Variants in PACS1 observed in about 807,000 individuals in gnomAD.
The protein encoded by PACS1 is PACS-1.
Under a neutral mutation model 115.0 loss-of-function variants are expected in PACS1, and 24 were observed. That is an observed-to-expected ratio of 0.21 (90% CI 0.15 to 0.29). The LOEUF (loss-of-function observed/expected upper bound fraction) is 0.29. Among genes scored for constraint, PACS1 ranks in the 10% least tolerant of loss-of-function variants. The pLI is 1.00. For missense variants in PACS1, 838 were observed against 1,251.2 expected, an observed-to-expected ratio of 0.67 and a Z score of 4.98; for synonymous variants, 453 against 504.5, an observed-to-expected ratio of 0.90 and a Z score of 1.37.
chr11:66,077,252 C>A (rs1857413341), intron 1 of PACS1, among the ~76,000 whole-genome samples: 1 of 152,202 alleles, frequency 6.6e-6, no homozygotes, highest in Non-Finnish European at 1.5e-5. Flanking sequence ...TAGAAAACTT[C>A]TAGAAAATAG....
chr11:66,158,195 C>T (rs1859403746), intron 1 of PACS1, among the ~76,000 whole-genome samples: 1 of 152,196 alleles, frequency 6.6e-6, no homozygotes, highest in Non-Finnish European at 1.5e-5. Context: ...TCTCGAGCTC[C>T]TGAGCTCAAG....
At chr11:66,125,401 T>C (rs914308404) in intron 1 of PACS1, among the ~76,000 whole-genome samples, 1 of 152,246 alleles carries the variant, frequency 6.6e-6, no homozygotes, top group African/African-American at 2.4e-5. Context: ...ATTTGAAATA[T>C]TTTGAGCCAC....
At chr11:66,108,780 AAGAGAGAAG>A (rs1425369325) in intron 1 of PACS1, among the ~76,000 whole-genome samples, 1 of 151,948 alleles carries the variant, frequency 6.6e-6, no homozygotes, top group Non-Finnish European at 1.5e-5. Flanking sequence ...GAAAGAGAGA[AAGAGAGAAG>A]AGAGAGAAAG....
At chr11:66,158,035 T>G (rs1339909130) in intron 1 of PACS1, among the ~76,000 whole-genome samples, 1 of 152,206 alleles carries the variant, frequency 6.6e-6, no homozygotes, top group African/African-American at 2.4e-5. Context: ...ATCACAGTCT[T>G]GGCTCACTGC....
Position 66,092,948 on chromosome 11 carries a change from G to A in PACS1, c.356+22106G>A, listed in dbSNP as rs563701740. On this transcript the variant is annotated intron_variant, in intron 1 of 23. Coordinates refer to ENST00000320580, the MANE Select transcript of PACS1 (RefSeq NM_018026.4). Reference sequence around the variant, plus strand: ...ATAGTATAGTTTGAAGTCAGGTAGCGTGATGCCTCCAGCTTTGTTCTTTTG... The same window carrying A: ...ATAGTATAGTTTGAAGTCAGGTAGCATGATGCCTCCAGCTTTGTTCTTTTG... 5.3e-3 allele frequency among the ~76,000 whole-genome samples: 800 copies of A among 151,602 alleles called. 9 individuals are homozygous for A. The highest frequency in any genetic ancestry group is 0.018 in the African/African-American group (750 of 40,908).
intron 1 of PACS1, among the ~76,000 whole-genome samples, chr11:66,071,048 A>G (rs1857300352): frequency 6.6e-6 from 1 of 151,566 alleles, no homozygotes; most frequent in African/African-American, 2.4e-5. Flanking sequence ...TGGGGCCGGG[A>G]CCACCCTTCT....
chr11:66,205,634 T>A (rs527872650), intron 2 of PACS1, among the ~76,000 whole-genome samples: 1 of 150,430 alleles, frequency 6.6e-6, no homozygotes, highest in Admixed American at 6.6e-5. Context: ...ACAAATTTCC[T>A]CAAATATCAC....
intron 1 of PACS1, among the ~76,000 whole-genome samples, chr11:66,171,671 C>A (rs1457381085): frequency 2.0e-5 from 3 of 150,008 alleles, no homozygotes; most frequent in African/African-American, 7.6e-5. Context: ...GCTCCGCCTC[C>A]CAGGTTCACG....
At chr11:66,121,578 A>C (rs1336543892) in intron 1 of PACS1, among the ~76,000 whole-genome samples, 5 of 152,248 alleles carry the variant, frequency 3.3e-5, no homozygotes, top group Admixed American at 2.6e-4. Context: ...AATGTAAAAG[A>C]AAAGTTCCTG....
chr11:66,234,350 C>T (rs2134741657), intron 17 of PACS1, 108 bp downstream of exon 17: 2 of 765,266 alleles, frequency 2.6e-6, no homozygotes, highest in South Asian at 1.4e-5. Context: ...GCAGCTCTCA[C>T]CTTCCCGGTC....
At chr11:66,177,935 C>T (rs1859909645) in intron 1 of PACS1, among the ~76,000 whole-genome samples, 1 of 151,930 alleles carries the variant, frequency 6.6e-6, no homozygotes, top group Non-Finnish European at 1.5e-5. Flanking sequence ...CACAATAGTC[C>T]ATAATGGATG....
At chr11:66,097,651 T>A (rs1365537340) in intron 1 of PACS1, among the ~76,000 whole-genome samples, 1 of 152,236 alleles carries the variant, frequency 6.6e-6, no homozygotes, top group Non-Finnish European at 1.5e-5. Context: ...GCTGCTAAGC[T>A]TTGCTAGTAT....
At chr11:66,238,623 C>G in intron 19 of PACS1, 181 bp from the exon 20 acceptor site, 3 of 615,782 alleles carry the variant, frequency 4.9e-6, no homozygotes, top group Non-Finnish European at 5.7e-6. Flanking sequence ...ATCTCAGCCT[C>G]CCAAAGTGCT....
chr11:66,140,691 A>G (rs1434042449), intron 1 of PACS1, among the ~76,000 whole-genome samples: 3 of 152,146 alleles, frequency 2.0e-5, no homozygotes, highest in African/African-American at 7.2e-5. Context: ...ACCCTGCCAA[A>G]TTAGTAAAAG....
chr11:66,216,862 C>CTTATTTTTTTTTTTT, intron 7 of PACS1, 87 bp downstream of exon 7: 2 of 849,828 alleles, frequency 2.4e-6, no homozygotes, highest in Non-Finnish European at 3.9e-6. Context: ...CTAGTGGAGA[C>CTTATTTTTTTTTTTT]TTCTTAAAAT....
intron 1 of PACS1, among the ~76,000 whole-genome samples, chr11:66,188,168 T>C (rs1854431364): frequency 6.6e-6 from 1 of 151,844 alleles, no homozygotes; most frequent in Admixed American, 6.6e-5. Flanking sequence ...GATTTTTTTT[T>C]TTTTTTTTTG....
intron 21 of PACS1, among the ~76,000 whole-genome samples, chr11:66,240,159 A>T (rs924222676): frequency 6.6e-6 from 1 of 152,246 alleles, no homozygotes; most frequent in African/African-American, 2.4e-5. Context: ...CTGAGGCGCT[A>T]GAGCTGGAGC....
intron 2 of PACS1, among the ~76,000 whole-genome samples, chr11:66,200,358 C>G (rs550899057): frequency 6.6e-6 from 1 of 151,820 alleles, no homozygotes; most frequent in South Asian, 2.1e-4. Flanking sequence ...CTCAGAAAAA[C>G]AAAAACGAAA....
chr11:66,228,301 A>G (rs1855507595), intron 11 of PACS1, among the ~76,000 whole-genome samples: 2 of 152,086 alleles, frequency 1.3e-5, no homozygotes, highest in South Asian at 4.1e-4. Context: ...CCATCTAGGG[A>G]TGAGCCTCAC....
Sources: allele counts gnomAD v4.1 joint callset (sites outside exome capture counted in the v4.1 genomes callset), GRCh38; gene constraint gnomAD v4.1.1; transcripts MANE v1.5; gene names NCBI Gene and HGNC (gene_info 2026-07-23, HGNC 2026-07-21).